Variants in BANK1 observed in about 807,000 individuals in gnomAD.
BANK1 encodes the protein B cell scaffold protein with ankyrin repeats 1, also known as B-cell scaffold protein with ankyrin repeats.
A neutral mutation model predicts 94.5 loss-of-function variants in BANK1; 95 were observed. The observed-to-expected ratio is 1.00, with a 90% CI of 0.85 to 1.19. The LOEUF (loss-of-function observed/expected upper bound fraction) is 1.19. Among genes scored for constraint, BANK1 ranks in the 50% most tolerant of loss-of-function variants. The pLI is 0.00. For synonymous variants in BANK1, 334 were observed against 308.4 expected (o/e 1.08, Z -0.87); for missense variants, 987 against 932.2 (o/e 1.06, Z -0.77).
rs371911742 is a variant in BANK1, at chr4:102,025,622, A to G, written c.1594+113A>G. ...ACAGAGCAGATCAGCTTTTGAAACC[A>G]ATAGCAACATTCTTCCTATTCTTTA... On this transcript the variant is annotated intron_variant, in intron 9 of 16. Coordinates refer to ENST00000322953, the MANE Select transcript of BANK1 (RefSeq NM_017935.5). 2,773 of 960,232 alleles carry G rather than the reference A, an allele frequency of 2.9e-3. 7 individuals are homozygous for G. Among genetic ancestry groups the G allele is most frequent in the Non-Finnish European group, 3.7e-3 (2,466 of 660,682 alleles). The allele number at this position is 960,232 out of a possible 1,614,324, so 59.5% of individuals were successfully genotyped here.
At chr4:101,954,771 G>T (rs1223754330) in intron 7 of BANK1, among the ~76,000 whole-genome samples, 1 of 152,134 alleles carries the variant, frequency 6.6e-6, no homozygotes, top group East Asian at 1.9e-4. Flanking sequence ...TGAAACATAA[G>T]TATTTTATGT....
At chr4:101,936,364 C>T (rs1167068212) in intron 7 of BANK1, among the ~76,000 whole-genome samples, 1 of 149,422 alleles carries the variant, frequency 6.7e-6, no homozygotes, top group Non-Finnish European at 1.5e-5. Flanking sequence ...TACATACATG[C>T]ATATATGTGT....
chr4:101,847,924 C>T (rs1310316229), intron 2 of BANK1, among the ~76,000 whole-genome samples: 1 of 152,120 alleles, frequency 6.6e-6, no homozygotes, highest in Non-Finnish European at 1.5e-5. Context: ...CTAGAGAATT[C>T]CTTCTCCCTG....
At chr4:101,939,026 A>G (rs550780321) in intron 7 of BANK1, among the ~76,000 whole-genome samples, 15 of 151,818 alleles carry the variant, frequency 9.9e-5, no homozygotes, top group East Asian at 9.8e-4. Flanking sequence ...CTGAAATACT[A>G]TCTGATGAAA....
chr4:101,885,936 A>G (rs1415588759), intron 5 of BANK1, among the ~76,000 whole-genome samples: 1 of 152,222 alleles, frequency 6.6e-6, no homozygotes, highest in Non-Finnish European at 1.5e-5. Flanking sequence ...GGCAACTATA[A>G]CACAATAGGA....
rs186960823 is a variant in BANK1 at position 101,942,599 on chromosome 4, A to G, written c.1206+24410A>G. Among the ~76,000 whole-genome samples the G allele has an allele frequency of 2.2e-4, 34 of 152,038 alleles. No homozygotes were observed. The East Asian group carries it at 5.3e-3, about 24-fold the overall frequency. ...TAGGTCACTGTACAGAGAAATATTG[A>G]GCTCTTTCTTTACAAAAGGAATCCT... is the stretch of plus-strand genomic sequence containing the variant. On this transcript the variant is annotated intron_variant, in intron 7 of 16. Transcript: ENST00000322953.
intron 6 of BANK1, among the ~76,000 whole-genome samples, chr4:101,900,450 G>T (rs1722240498): frequency 6.6e-6 from 1 of 152,164 alleles, no homozygotes; most frequent in African/African-American, 2.4e-5. Context: ...ATAGATGATG[G>T]TGTGTAAAAA....
At chr4:101,903,791 G>T (rs1050388872) in intron 6 of BANK1, among the ~76,000 whole-genome samples, 2 of 152,156 alleles carry the variant, frequency 1.3e-5, no homozygotes, top group African/African-American at 4.8e-5. Context: ...CCTACGTATG[G>T]TTACTTTCTG....
Position 101,808,204 on chromosome 4 carries a change from T to G in BANK1, c.70+17254T>G, listed in dbSNP as rs550174793. ...CTGAAATAAACTTATTTAATTCTCT[T>G]GCAAATATATATTTGTGCTCATACC... On this transcript the variant is annotated intron_variant, in intron 1 of 16. Transcript: ENST00000322953. 1.2e-3 allele frequency among the ~76,000 whole-genome samples: 177 copies of G among 152,300 alleles called. 1 individual carries two copies. Among genetic ancestry groups the G allele is most frequent in the African/African-American group, 3.8e-3 (159 of 41,574 alleles).
intron 5 of BANK1, among the ~76,000 whole-genome samples, chr4:101,886,027 A>C (rs1357873594): frequency 6.6e-6 from 1 of 152,240 alleles, no homozygotes; most frequent in African/African-American, 2.4e-5. Flanking sequence ...AAGTGCATCC[A>C]TAGGCAGCTC....
intron 13 of BANK1, among the ~76,000 whole-genome samples, chr4:102,069,663 A>G (rs149139590): frequency 4.1e-4 from 63 of 152,366 alleles, no homozygotes; most frequent in African/African-American, 1.4e-3. Context: ...TGGCAGTTTC[A>G]TTCATAATAT....
chr4:101,829,719 C>A (rs1029816037), intron 1 of BANK1, 89 bp from the exon 2 acceptor site: 2 of 762,784 alleles, frequency 2.6e-6, no homozygotes. Context: ...TAATATATTG[C>A]CTAGTGAGCA....
chr4:102,001,329 C>T (rs539638973), intron 7 of BANK1, among the ~76,000 whole-genome samples: 57 of 152,284 alleles, frequency 3.7e-4, no homozygotes, highest in Admixed American at 3.7e-3. Context: ...GGGCTGGGCG[C>T]AGTGGCTCAC....
At chr4:101,867,747 A>G (rs1728129133) in intron 4 of BANK1, among the ~76,000 whole-genome samples, 1 of 145,070 alleles carries the variant, frequency 6.9e-6, no homozygotes, top group Non-Finnish European at 1.5e-5. Flanking sequence ...AACTTAAAGT[A>G]TAATTAAAAA....
Position 101,914,415 on chromosome 4 carries a change from G to A in BANK1, c.1010-3578G>A, listed in dbSNP as rs142501365. 4.2e-3 allele frequency among the ~76,000 whole-genome samples: 644 copies of A among 152,172 alleles called. 4 individuals are homozygous for A. The highest frequency in any genetic ancestry group is 0.014 in the African/African-American group (577 of 41,520). ...GGAGGAGCAAAGAAAATAAGGCACCGTAAGTCAGAAAATAACTGGCCATGC... is the reference window on the plus strand; with the variant it reads ...GGAGGAGCAAAGAAAATAAGGCACCATAAGTCAGAAAATAACTGGCCATGC... On this transcript the variant is annotated intron_variant, in intron 6 of 16. Transcript: ENST00000322953.
chr4:101,826,178 C>T (rs1726358510), intron 1 of BANK1, among the ~76,000 whole-genome samples: 1 of 152,074 alleles, frequency 6.6e-6, no homozygotes, highest in Admixed American at 6.5e-5. Flanking sequence ...TAAGCCTTCA[C>T]ATACTGTGCA....
intron 2 of BANK1, among the ~76,000 whole-genome samples, chr4:101,840,505 G>A (rs1396753681): frequency 6.6e-6 from 1 of 152,058 alleles, no homozygotes; most frequent in Admixed American, 6.6e-5. Flanking sequence ...CCAGAATGAG[G>A]GTAAGAAGCA....
intron 7 of BANK1, among the ~76,000 whole-genome samples, chr4:101,964,145 G>A (rs75419302): frequency 0.014 from 2,102 of 151,948 alleles, 59 homozygotes; most frequent in African/African-American, 0.048. Flanking sequence ...TTATTCAATC[G>A]AATATATCAA....
At chr4:102,049,687 G>T (rs1195577962) in intron 11 of BANK1, among the ~76,000 whole-genome samples, 3 of 152,166 alleles carry the variant, frequency 2.0e-5, no homozygotes, top group Admixed American at 2.0e-4. Context: ...TTGTTAAACT[G>T]TCTCTTTAAA....
Sources: allele counts gnomAD v4.1 joint callset (sites outside exome capture counted in the v4.1 genomes callset), GRCh38; gene constraint gnomAD v4.1.1; transcripts MANE v1.5; gene names NCBI Gene and HGNC (gene_info 2026-07-23, HGNC 2026-07-21).